TSC22D1: variants seen among roughly 807,000 people sequenced by gnomAD.
The protein encoded by TSC22D1 is TSC22 domain family protein 1.
In TSC22D1, 9 loss-of-function variants were observed where a neutral mutation model predicts 74.2. The ratio of observed to expected loss-of-function variants is 0.12; its 90% CI spans 0.07 to 0.21. TSC22D1 has a LOEUF of 0.21. TSC22D1 is among the 10% of genes least tolerant of loss of function. The pLI, the probability that TSC22D1 is intolerant of heterozygous loss-of-function variation, is 1.00. For missense variants in TSC22D1, 1,427 were observed against 1,304.7 expected (o/e 1.09, Z -1.44); for synonymous variants, 586 against 492.5 (o/e 1.19, Z -2.51).
At chr13:44,530,581 C>T (rs899584543) in intron 1 of TSC22D1, among the ~76,000 whole-genome samples, 3 of 150,332 alleles carry the variant, frequency 2.0e-5, no homozygotes, top group Admixed American at 6.6e-5. Flanking sequence ...AACGAGAAGA[C>T]AAGCCACAGA....
chr13:44,566,223 G>T (rs2138218703), intron 1 of TSC22D1, among the ~76,000 whole-genome samples: 1 of 152,022 alleles, frequency 6.6e-6, no homozygotes, highest in African/African-American at 2.4e-5. Context: ...AGCTTTATAA[G>T]AAGTAAAAAC....
intron 1 of TSC22D1, among the ~76,000 whole-genome samples, chr13:44,546,185 C>T (rs1413472380): frequency 6.6e-6 from 1 of 152,042 alleles, no homozygotes; most frequent in African/African-American, 2.4e-5. Flanking sequence ...AGATTCTGAT[C>T]AAGCAAGAAT....
intron 1 of TSC22D1, among the ~76,000 whole-genome samples, chr13:44,536,127 C>T (rs1881117727): frequency 6.6e-6 from 1 of 151,814 alleles, no homozygotes; most frequent in African/African-American, 2.4e-5. Context: ...TCCTTTCCCC[C>T]ACCCCCAATA....
intron 1 of TSC22D1, among the ~76,000 whole-genome samples, chr13:44,564,601 T>A (rs1304020724): frequency 6.6e-6 from 1 of 151,930 alleles, no homozygotes; most frequent in Non-Finnish European, 1.5e-5. Context: ...ATGAAGAAAG[T>A]TGGGAGAAAG....
intron 1 of TSC22D1, among the ~76,000 whole-genome samples, chr13:44,494,998 G>A (rs113335642): frequency 2.5e-4 from 38 of 152,224 alleles, no homozygotes; most frequent in African/African-American, 9.1e-4. Flanking sequence ...AGGTTTAAGA[G>A]CAGATCTGAG....
chr13:44,467,353 A>G (rs1055421119), intron 1 of TSC22D1, among the ~76,000 whole-genome samples: 3 of 152,168 alleles, frequency 2.0e-5, no homozygotes, highest in Non-Finnish European at 4.4e-5. Context: ...ATAATTTATC[A>G]CTAAGATCCC....
intron 1 of TSC22D1, among the ~76,000 whole-genome samples, chr13:44,444,011 G>T (rs1875409765): frequency 6.6e-6 from 1 of 152,040 alleles, no homozygotes; most frequent in Non-Finnish European, 1.5e-5. Flanking sequence ...ATTAGGCTGG[G>T]CGTGGTGGCT....
intron 1 of TSC22D1, among the ~76,000 whole-genome samples, chr13:44,510,098 A>G (rs1216202822): frequency 2.0e-5 from 3 of 151,404 alleles, no homozygotes; most frequent in Non-Finnish European, 4.4e-5. Context: ...AAATGTTTAT[A>G]CTCCGCTAGG....
chr13:44,575,276 T>G lies in TSC22D1; in HGVS notation c.799A>C (p.Ser267Arg), dbSNP rs746682360. 5 of 1,614,118 alleles carry G rather than the reference T, an allele frequency of 3.1e-6. No individual in the cohort carries two copies. In the East Asian group the frequency reaches 1.1e-4, roughly 36 times the overall value. ...PVSRKLSTTG[S>R]SDSITPVAPT... ...GCAACTGGTGTGATACTGTCAGAGC[T>G]TCCAGTTGTAGAGAGTTTTCTAGAT... The change falls in exon 1 of 3, where the codon AGC (serine) becomes CGC (arginine). Residue 267 changes from serine to arginine, a missense_variant. Ser to Arg is a moderately radical substitution (Grantham distance 110). Transcript: ENST00000458659.
At chr13:44,489,495 A>G (rs1316610253) in intron 1 of TSC22D1, among the ~76,000 whole-genome samples, 1 of 151,854 alleles carries the variant, frequency 6.6e-6, no homozygotes, top group Non-Finnish European at 1.5e-5. Flanking sequence ...CAAGTCCTAA[A>G]ATCAATAATA....
intron 1 of TSC22D1, chr13:44,437,295 A>C: frequency 3.1e-6 from 3 of 980,334 alleles, no homozygotes; most frequent in Non-Finnish European, 2.4e-6. Context: ...CCACCACTGT[A>C]AGACTTCGAG....
rs1275432395 is a variant in TSC22D1 at position 44,575,038 on chromosome 13, G to C, written c.1037C>G (p.Ala346Gly). 2 of 1,613,982 alleles carry C rather than the reference G, an allele frequency of 1.2e-6. No individual in the cohort carries two copies. The highest frequency in any genetic ancestry group is 2.2e-5 in the East Asian group (1 of 44,900). ...VNISTSNIPS[A>G]AGVSVGPGVT... ...TCCAGGCCCAACACTCACACCAGCAGCACTAGGAATATTGCTTGTACTTAT... is the reference window on the plus strand; with the variant it reads ...TCCAGGCCCAACACTCACACCAGCACCACTAGGAATATTGCTTGTACTTAT... Residue 346 changes from alanine (A) to glycine (G), a missense_variant, in exon 1 of 3, where the codon GCT becomes GGT. Coordinates refer to ENST00000458659, the MANE Select transcript of TSC22D1 (RefSeq NM_183422.4).
At chr13:44,514,411 C>CA (rs1160547095) in intron 1 of TSC22D1, among the ~76,000 whole-genome samples, 4 of 151,844 alleles carry the variant, frequency 2.6e-5, no homozygotes, top group African/African-American at 2.4e-5. Context: ...CACACACACA[C>CA]AAAAAAACCA....
chr13:44,446,295 AT>A (rs1875635998), intron 1 of TSC22D1, among the ~76,000 whole-genome samples: 2 of 152,222 alleles, frequency 1.3e-5, no homozygotes, highest in African/African-American at 2.4e-5. Flanking sequence ...TTTATGAGAC[AT>A]TCTAGAGTAG....
At chr13:44,544,782 A>G (rs1881714555) in intron 1 of TSC22D1, among the ~76,000 whole-genome samples, 1 of 152,170 alleles carries the variant, frequency 6.6e-6, no homozygotes, top group South Asian at 2.1e-4. Context: ...ACCGGTATTC[A>G]AGTTAGTCCA....
intron 1 of TSC22D1, among the ~76,000 whole-genome samples, chr13:44,509,205 A>C (rs1473393570): frequency 6.6e-6 from 1 of 152,192 alleles, no homozygotes; most frequent in Non-Finnish European, 1.5e-5. Context: ...TAACACTAAC[A>C]ATGCTACAGT....
intron 1 of TSC22D1, among the ~76,000 whole-genome samples, chr13:44,463,763 A>T (rs1238520308): frequency 6.6e-6 from 1 of 152,256 alleles, no homozygotes; most frequent in Non-Finnish European, 1.5e-5. Context: ...TTGTCAAAGA[A>T]TGCCAGAGTA....
intron 1 of TSC22D1, among the ~76,000 whole-genome samples, chr13:44,527,494 C>G (rs1595138635): frequency 6.6e-6 from 1 of 152,058 alleles, no homozygotes; most frequent in Non-Finnish European, 1.5e-5. Flanking sequence ...ACACTGCCAA[C>G]TCTAGGGCAA....
intron 1 of TSC22D1, among the ~76,000 whole-genome samples, chr13:44,518,893 A>G (rs1880175516): frequency 6.6e-6 from 1 of 152,212 alleles, no homozygotes; most frequent in South Asian, 2.1e-4. Context: ...GAGAGTTCTG[A>G]AAGTGGTCAA....
Sources: allele counts gnomAD v4.1 joint callset (sites outside exome capture counted in the v4.1 genomes callset), GRCh38; gene constraint gnomAD v4.1.1; transcripts MANE v1.5; gene names NCBI Gene and HGNC (gene_info 2026-07-23, HGNC 2026-07-21).